The following FANCL variants were observed in gnomAD, a reference collection of about 807,000 sequenced individuals.
The protein encoded by FANCL is E3 ubiquitin-protein ligase FANCL.
FANCL carries 69 observed loss-of-function variants against 59.4 expected under a neutral mutation model. The observed-to-expected ratio is 1.16, with a 90% confidence interval of 0.96 to 1.42. The LOEUF (loss-of-function observed/expected upper bound fraction) is 1.42. Ranked by LOEUF, FANCL falls within the 40% of genes most tolerant of loss-of-function variation. FANCL has a pLI of 0.00. For synonymous variants in FANCL, 180 were observed against 147.1 expected, an observed-to-expected ratio of 1.22 and a Z score of -1.62; for missense variants, 519 against 447.2, an observed-to-expected ratio of 1.16 and a Z score of -1.45.
chr2:58,216,085 G>A (rs1691691365), intron 5 of FANCL, among the ~76,000 whole-genome samples: 1 of 152,150 alleles, frequency 6.6e-6, no homozygotes, highest in Non-Finnish European at 1.5e-5. Context: ...AACTGTAATT[G>A]AGAGGTCTTG....
At chr2:58,214,748 G>C (rs1179682506) in intron 5 of FANCL, among the ~76,000 whole-genome samples, 1 of 152,018 alleles carries the variant, frequency 6.6e-6, no homozygotes, top group Non-Finnish European at 1.5e-5. Flanking sequence ...CTGAGCTCAA[G>C]TGATCTGCCC....
At chr2:58,178,928 T>C (rs542157426) in intron 7 of FANCL, among the ~76,000 whole-genome samples, 2 of 152,220 alleles carry the variant, frequency 1.3e-5, no homozygotes, top group South Asian at 4.1e-4. Context: ...AGCATTCTTA[T>C]ACACCAATAA....
At chr2:58,206,767 C>G (rs893041172) in intron 5 of FANCL, among the ~76,000 whole-genome samples, 1 of 152,026 alleles carries the variant, frequency 6.6e-6, no homozygotes, top group South Asian at 2.1e-4. Context: ...AACTTTAAGA[C>G]GCAATTTAAA....
At chr2:58,219,309 T>C (rs1373903261) in intron 5 of FANCL, among the ~76,000 whole-genome samples, 3 of 150,396 alleles carry the variant, frequency 2.0e-5, no homozygotes, top group Non-Finnish European at 4.4e-5. Context: ...AGTATTTGAT[T>C]ATAACCCAAA....
intron 7 of FANCL, among the ~76,000 whole-genome samples, chr2:58,172,902 G>A (rs535855955): frequency 1.2e-4 from 18 of 152,248 alleles, no homozygotes; most frequent in South Asian, 1.0e-3. Context: ...AAATTTAGAC[G>A]AATGCATAAC....
intron 5 of FANCL, among the ~76,000 whole-genome samples, chr2:58,207,029 G>A (rs1436498224): frequency 6.6e-6 from 1 of 152,120 alleles, no homozygotes; most frequent in East Asian, 1.9e-4. Context: ...AGTTTTAGCA[G>A]GATCCACTTC....
At chr2:58,224,361 C>G (rs1424540542) in intron 4 of FANCL, among the ~76,000 whole-genome samples, 1 of 151,802 alleles carries the variant, frequency 6.6e-6, no homozygotes, top group Non-Finnish European at 1.5e-5. Context: ...CACTTGTTCA[C>G]TTTACCTTTT....
intron 7 of FANCL, among the ~76,000 whole-genome samples, chr2:58,175,924 CT>C: frequency 6.6e-6 from 1 of 152,184 alleles, no homozygotes; most frequent in South Asian, 2.1e-4. Flanking sequence ...TGATAAGCAA[CT>C]TCAGCAAAGT....
intron 11 of FANCL, 107 bp downstream of exon 11, chr2:58,162,759 A>G: frequency 3.1e-6 from 3 of 978,888 alleles, no homozygotes; most frequent in South Asian, 1.4e-5. Context: ...CTGTGTTATA[A>G]TATTTTTCTA....
At chr2:58,225,767 TAGA>T (rs1196863028) in intron 4 of FANCL, among the ~76,000 whole-genome samples, 3 of 152,012 alleles carry the variant, frequency 2.0e-5, no homozygotes, top group Non-Finnish European at 4.4e-5. Context: ...ATCCAGAATG[TAGA>T]AGATTTTATA....
At chr2:58,227,416 T>C (rs528765102) in intron 3 of FANCL, among the ~76,000 whole-genome samples, 3 of 152,292 alleles carry the variant, frequency 2.0e-5, no homozygotes, top group South Asian at 2.1e-4. Context: ...AAGGTTTTAT[T>C]AAGTGCAAGT....
At chr2:58,230,874 T>C (rs1238454311) in intron 2 of FANCL, among the ~76,000 whole-genome samples, 1 of 152,222 alleles carries the variant, frequency 6.6e-6, no homozygotes, top group Non-Finnish European at 1.5e-5. Flanking sequence ...TGCTCAAATA[T>C]ATATCTTTAA....
intron 5 of FANCL, among the ~76,000 whole-genome samples, chr2:58,217,460 G>C (rs949927421): frequency 1.3e-5 from 2 of 150,798 alleles, no homozygotes; most frequent in Admixed American, 6.6e-5. Context: ...GAGAAAAAGA[G>C]GAAGAATTTC....
At chr2:58,170,986 G>C (rs148851845) in intron 7 of FANCL, among the ~76,000 whole-genome samples, 1 of 152,038 alleles carries the variant, frequency 6.6e-6, no homozygotes, top group Non-Finnish European at 1.5e-5. Context: ...AAATTAACAA[G>C]GATATTCAGG....
intron 5 of FANCL, among the ~76,000 whole-genome samples, chr2:58,217,824 A>G (rs932335278): frequency 1.3e-5 from 2 of 152,070 alleles, no homozygotes; most frequent in African/African-American, 4.8e-5. Context: ...AACATATTGG[A>G]TATCTGACAC....
At chr2:58,173,163 T>G (rs886181599) in intron 7 of FANCL, among the ~76,000 whole-genome samples, 1 of 152,142 alleles carries the variant, frequency 6.6e-6, no homozygotes, top group South Asian at 2.1e-4. Context: ...ACGTCTGATT[T>G]GTGTACCTGA....
At chr2:58,189,085 A>G (rs1414794988) in intron 7 of FANCL, among the ~76,000 whole-genome samples, 3 of 152,282 alleles carry the variant, frequency 2.0e-5, no homozygotes, top group East Asian at 3.9e-4. Context: ...TAGTTGCCTG[A>G]GGCCCTGGTG....
Position 58,161,688 on chromosome 2 carries a change from T to C in FANCL, c.904-50A>G. ...AAGCGTATGTGTCTCACTAACTTATTCGTTGTACATATTTGGGAGGGTATG... is the reference window on the plus strand; with the variant it reads ...AAGCGTATGTGTCTCACTAACTTATCCGTTGTACATATTTGGGAGGGTATG... On this transcript the variant is annotated intron_variant, in intron 11 of 13. Coordinates refer to ENST00000233741, the MANE Select transcript of FANCL (RefSeq NM_018062.4). 3 of 1,208,174 alleles carry C rather than the reference T, an allele frequency of 2.5e-6. No individual in the cohort carries two copies. The South Asian group carries it at 3.7e-5, about 15-fold the overall frequency. The allele number at this position is 1,208,174 out of a possible 1,614,324, so 74.8% of individuals were successfully genotyped here.
chr2:58,180,983 C>A (rs1488316144), intron 7 of FANCL, among the ~76,000 whole-genome samples: 2 of 152,036 alleles, frequency 1.3e-5, no homozygotes, highest in African/African-American at 4.8e-5. Context: ...GTAAATGGCA[C>A]AACTGTTTTG....
Sources: gnomAD v4.1 joint callset for allele counts (sites outside exome capture counted in the v4.1 genomes callset) on GRCh38, gnomAD v4.1.1 for gene constraint, MANE v1.5 for transcripts, NCBI Gene and HGNC (gene_info 2026-07-23, HGNC 2026-07-21) for gene names.